ARHGAP11A: variants seen among roughly 807,000 people sequenced by gnomAD.
ARHGAP11A encodes Rho GTPase activating protein 11A.
In ARHGAP11A, 36 loss-of-function variants were observed where a neutral mutation model predicts 60.5. The observed-to-expected ratio is 0.59, with a 90% CI of 0.46 to 0.79. ARHGAP11A has a LOEUF of 0.79. Among genes scored for constraint, ARHGAP11A ranks in the 30% least tolerant of loss-of-function variants. The pLI is 0.00. For synonymous variants in ARHGAP11A, 362 were observed against 415.5 expected, an observed-to-expected ratio of 0.87 and a Z score of 1.57; for missense variants, 1,071 against 1,199.2, an observed-to-expected ratio of 0.89 and a Z score of 1.58.
intron 1 of ARHGAP11A, among the ~76,000 whole-genome samples, chr15:32,617,719 G>A (rs993958991): frequency 7.2e-5 from 11 of 152,056 alleles, no homozygotes; most frequent in Non-Finnish European, 7.4e-5. Context: ...TGATCCGCCC[G>A]CCTCGGCCTC....
At chr15:32,626,546 T>A (rs2053461514) in intron 6 of ARHGAP11A, among the ~76,000 whole-genome samples, 1 of 152,212 alleles carries the variant, frequency 6.6e-6, no homozygotes, top group African/African-American at 2.4e-5. Context: ...CATACTTGTG[T>A]TTCTTCTTTA....
chr15:32,617,009 A>C (rs1053414553), intron 1 of ARHGAP11A, among the ~76,000 whole-genome samples: 38 of 152,124 alleles, frequency 2.5e-4, no homozygotes, highest in Non-Finnish European at 8.8e-5. Flanking sequence ...ATAATTGAGA[A>C]GTTGTTGATG....
chr15:32,636,152 CT>C, intron 11 of ARHGAP11A, 104 bp from the exon 12 acceptor site: 1 of 1,443,168 alleles, frequency 6.9e-7, no homozygotes, highest in Non-Finnish European at 9.1e-7. Flanking sequence ...AACACAAATA[CT>C]TTATTAGAAT....
chr15:32,632,988 A>T lies in ARHGAP11A; in HGVS notation c.1115A>T (p.Asp372Val). ...SSSTPVSVHI[D>V]TSSEGSSQSS... ...GTGGTTATTTTTGTAGTTCACATCG[A>T]TACAAGCTCAGAAGGGTCATCTCAG... Residue 372 changes from aspartate to valine, a missense_variant, in exon 9 of 12, where the codon GAT becomes GTT. Around this residue, in one of 4 missense-constraint regions of ARHGAP11A, gnomAD observed 776 missense variants for 760.2 expected, o/e 1.02. Transcript: ENST00000361627. The T allele has an allele frequency of 3.1e-6, 5 of 1,612,830 alleles. No homozygotes were observed. Among genetic ancestry groups the T allele is most frequent in the Non-Finnish European group, 3.4e-6 (4 of 1,179,398 alleles).
At chr15:32,619,934 A>G (rs1178124578) in intron 1 of ARHGAP11A, among the ~76,000 whole-genome samples, 174 bp from the exon 2 acceptor site, 4 of 152,172 alleles carry the variant, frequency 2.6e-5, no homozygotes, top group African/African-American at 9.7e-5. Flanking sequence ...TGTCTAATAT[A>G]GTAATTATTT....
Position 32,637,543 on chromosome 15 carries a change from C to T in ARHGAP11A, c.2770C>T (p.Pro924Ser). Residue 924 changes from proline (P) to serine (S), a missense_variant, in exon 12 of 12, where the codon CCC (proline) becomes TCC (serine). Pro to Ser is a moderately conservative substitution (Grantham distance 74). Around this residue, in one of 4 missense-constraint regions of ARHGAP11A, gnomAD observed 776 missense variants for 760.2 expected, o/e 1.02. Coordinates refer to ENST00000361627, the MANE Select transcript of ARHGAP11A (RefSeq NM_014783.6). ...GAISKSSMEL[P>S]SKSFLKMRKH... ...AATTTCAAAGTCAAGCATGGAGTTA[C>T]CCTCGAAATCTTTCTTAAAGATGAG... 1 of 1,614,062 alleles carries T rather than the reference C, an allele frequency of 6.2e-7. No homozygotes were observed. Among genetic ancestry groups the T allele is most frequent in the South Asian group, 1.1e-5 (1 of 91,070 alleles).
At chr15:32,635,179 C>G (rs552128029) in intron 10 of ARHGAP11A, among the ~76,000 whole-genome samples, 8 of 152,312 alleles carry the variant, frequency 5.3e-5, no homozygotes, top group African/African-American at 1.7e-4. Context: ...GCTCCAGTCT[C>G]AGAGACTGCA....
At chr15:32,619,008 A>G (rs1276786272) in intron 1 of ARHGAP11A, among the ~76,000 whole-genome samples, 1 of 152,146 alleles carries the variant, frequency 6.6e-6, no homozygotes, top group Non-Finnish European at 1.5e-5. Context: ...AGCACTTACT[A>G]TACTATACTG....
At chr15:32,635,711 T>C in intron 10 of ARHGAP11A, 66 bp from the exon 11 acceptor site, 2 of 1,135,386 alleles carry the variant, frequency 1.8e-6, no homozygotes, top group East Asian at 3.0e-5. Flanking sequence ...CAAAAAATTA[T>C]TCTGTCTTTA....
chr15:32,636,306 A>G lies in ARHGAP11A; in HGVS notation c.1533A>G (p.Arg511=). ...KSEETLLTPE[R]LVGTNYRMSW... Reference sequence around the variant, plus strand: ...AGGAAACCTTACTAACTCCAGAGCGACTAGTTGGAACAAATTACCGGATGT... The same window carrying G: ...AGGAAACCTTACTAACTCCAGAGCGGCTAGTTGGAACAAATTACCGGATGT... Residue 511 remains arginine (R), a synonymous_variant, in exon 12 of 12, where the codon CGA becomes CGG. Transcript: ENST00000361627. 2 of 1,613,100 alleles carry G rather than the reference A, an allele frequency of 1.2e-6. No homozygotes were observed. The highest frequency in any genetic ancestry group is 1.1e-5 in the South Asian group (1 of 90,746).
intron 1 of ARHGAP11A, among the ~76,000 whole-genome samples, chr15:32,618,770 C>A (rs1006752931): frequency 7.7e-6 from 1 of 129,336 alleles, no homozygotes; most frequent in Non-Finnish European, 1.7e-5. Context: ...CCCCCCCCCC[C>A]CGCCCCACGT....
intron 1 of ARHGAP11A, among the ~76,000 whole-genome samples, chr15:32,617,965 C>T (rs927211042): frequency 6.6e-6 from 1 of 152,144 alleles, no homozygotes; most frequent in Non-Finnish European, 1.5e-5. Context: ...AAGTGAAGCT[C>T]TTTATGTAGG....
At position 32,625,233 on chromosome 15, in the gene ARHGAP11A, A is replaced by G. The variant is rs1353158204; in HGVS notation, c.705A>G (p.Ala235=). 1.9e-6 allele frequency: 3 copies of G among 1,607,878 alleles called. No individual in the cohort carries two copies. Among genetic ancestry groups the G allele is most frequent in the South Asian group, 2.2e-5 (2 of 89,658 alleles). Reference sequence around the variant, plus strand: ...TAGTACAGACTCTTATCGATTATGCATCAGATATTGGTAAGATGTAGTTGC... The same window carrying G: ...TAGTACAGACTCTTATCGATTATGCGTCAGATATTGGTAAGATGTAGTTGC... ...AAVVQTLIDY[A]SDIGRVPDFI... Residue 235 remains alanine (A), a synonymous_variant, in exon 5 of 12, where the codon GCA becomes GCG. Coordinates refer to ENST00000361627, the MANE Select transcript of ARHGAP11A (RefSeq NM_014783.6).
In ARHGAP11A at chr15:32,617,340, C is replaced by T. The variant is rs548435043; in HGVS notation, c.129+1000C>T. ...AAATTAATGGCAATACATGTACTTA[C>T]ATTTAAAAAGCTACAGTGATTTTTT... On this transcript the variant is annotated intron_variant, in intron 1 of 11. Transcript: ENST00000361627. Among the ~76,000 whole-genome samples the T allele has an allele frequency of 6.0e-3, 909 of 151,514 alleles. 13 individuals carry two copies. Among genetic ancestry groups the T allele is most frequent in the African/African-American group, 0.021 (863 of 41,046 alleles).
intron 2 of ARHGAP11A, 124 bp from the exon 3 acceptor site, chr15:32,623,368 A>T (rs1289007203): frequency 1.3e-6 from 1 of 780,252 alleles, no homozygotes; most frequent in Non-Finnish European, 1.9e-6. Context: ...CATCTCAAAG[A>T]CTACAGAGAT....
chr15:32,631,023 C>T (rs1046063474), intron 8 of ARHGAP11A, among the ~76,000 whole-genome samples: 8 of 152,132 alleles, frequency 5.3e-5, no homozygotes, highest in African/African-American at 1.9e-4. Flanking sequence ...GCTCCCAAAA[C>T]AGAGGTTAAA....
At position 32,637,954 on chromosome 15, in the gene ARHGAP11A, A is replaced by G. The variant is rs2053763939; in HGVS notation, c.*109A>G. 2 of 957,338 alleles carry G rather than the reference A, an allele frequency of 2.1e-6. No homozygotes were observed. Among genetic ancestry groups the G allele is most frequent in the East Asian group, 5.3e-5 (2 of 37,430 alleles). 59.3% of individuals were successfully genotyped at this position (957,338 alleles called of 1,614,324 possible). A position where few individuals can be genotyped will look rare whatever the true frequency, so the allele number is the denominator to read the frequency against. Reference sequence around the variant, plus strand: ...GCTCAGGATGATTGTTAAGCAATAGATTTGCTCTATTGAAAATGTTTCATT... The same window carrying G: ...GCTCAGGATGATTGTTAAGCAATAGGTTTGCTCTATTGAAAATGTTTCATT... On this transcript the variant is annotated 3_prime_UTR_variant, in exon 12 of 12. Coordinates refer to ENST00000361627, the MANE Select transcript of ARHGAP11A (RefSeq NM_014783.6).
chr15:32,639,406 A>G lies in ARHGAP11A; in HGVS notation c.*1561A>G, dbSNP rs888340150. On this transcript the variant is annotated 3_prime_UTR_variant, in exon 12 of 12. Transcript: ENST00000361627. ...CTACTTTGTTTATTTGATATCAAAT[A>G]GGTTTGTAGATGTTTATGGCATTTC... The G allele has an allele frequency of 1.2e-4, 18 of 152,258 alleles. No individual in the cohort carries two copies. The highest frequency in any genetic ancestry group is 4.3e-4 in the African/African-American group (18 of 41,470). The allele number at this position is 152,258 out of a possible 1,614,324, so 9.4% of individuals were successfully genotyped here.
intron 8 of ARHGAP11A, among the ~76,000 whole-genome samples, chr15:32,632,073 A>G (rs983102769): frequency 6.6e-6 from 1 of 152,178 alleles, no homozygotes; most frequent in Non-Finnish European, 1.5e-5. Context: ...CTTTAGCTAA[A>G]TGCACCCAAA....
Sources: gnomAD v4.1 joint callset for allele counts (sites outside exome capture counted in the v4.1 genomes callset) on GRCh38, gnomAD v4.1.1 for gene constraint, gnomAD v4.1.1 regional missense constraint, MANE v1.5 for transcripts, NCBI Gene and HGNC (gene_info 2026-07-23, HGNC 2026-07-21) for gene names.